Variants in FAM153A observed in about 807,000 individuals in gnomAD.
FAM153A encodes the protein family with sequence similarity 153 member A, also known as protein FAM153A.
Under a neutral mutation model 48.1 loss-of-function variants are expected in FAM153A, and 12 were observed. The ratio of observed to expected loss-of-function variants is 0.25; its 90% CI spans 0.16 to 0.40. The LOEUF (loss-of-function observed/expected upper bound fraction) is 0.40, where lower values mean the gene tolerates loss of function less well. Among genes scored for constraint, FAM153A ranks in the 10% least tolerant of loss-of-function variants. The pLI is 1.00. For synonymous variants in FAM153A, 36 were observed against 118.2 expected, an observed-to-expected ratio of 0.30 and a Z score of 4.51; for missense variants, 111 against 345.8, an observed-to-expected ratio of 0.32 and a Z score of 5.38.
At chr5:177,719,044 A>G (rs1466757199), downstream of FAM153A, among the ~76,000 whole-genome samples, 2 of 151,240 alleles carry the variant, frequency 1.3e-5, no homozygotes, top group African/African-American at 4.9e-5. Context: ...CCTTGCCTGG[A>G]TAATTTTTGT....
chr5:177,732,320 C>T (rs1312795756), intron 14 of FAM153A, among the ~76,000 whole-genome samples: 1 of 117,288 alleles, frequency 8.5e-6, no homozygotes, highest in Middle Eastern at 4.4e-3. Flanking sequence ...CTAGCTATGC[C>T]AACCTCTTCG....
In FAM153A at chr5:177,724,148, C is replaced by T. The variant is rs769357580; in HGVS notation, c.1129G>A (p.Val377Ile). 8.1e-6 allele frequency: 13 copies of T among 1,609,938 alleles called. No individual in the cohort carries two copies. The South Asian group carries it at 9.9e-5, about 12-fold the overall frequency. ...TTAAAAATGTCCCAACATTTCAGGA[C>T]ATTCCACCGGCTTTTCTTGCTGGGC... The change falls in exon 21 of 21, where the codon GTC (valine) becomes ATC (isoleucine). Residue 377 changes from valine (V) to isoleucine (I), a missense_variant. By Grantham distance (29) the Val-to-Ile change is conservative (BLOSUM62 3). Transcript: ENST00000614127.
chr5:177,755,265 CGAG>C (rs1561944616), upstream of FAM153A, among the ~76,000 whole-genome samples: 1 of 150,934 alleles, frequency 6.6e-6, no homozygotes, highest in Non-Finnish European at 1.5e-5. Context: ...TGAAATGAAG[CGAG>C]AAGAGAAGTT....
chr5:177,749,306 C>G lies in FAM153A; in HGVS notation c.176-607G>C, dbSNP rs983819902. On this transcript the variant is annotated intron_variant, in intron 2 of 20. Transcript: ENST00000614127. ...AATGTAAACCAGGCAACCCTCCTCC[C>G]CCAAAATATAACAATATTTGCAGAA... 1.4e-3 allele frequency among the ~76,000 whole-genome samples: 204 copies of G among 149,898 alleles called. 2 individuals carry two copies. Among genetic ancestry groups the G allele is most frequent in the African/African-American group, 4.9e-3 (199 of 40,408 alleles).
the FAM153A span, among the ~76,000 whole-genome samples, chr5:177,697,797 C>G: frequency 0.036 from 5,482 of 151,218 alleles, 236 homozygotes; most frequent in African/African-American, 0.087. Flanking sequence ...GGGGGAAGAT[C>G]AGGGCTGGAC....
At chr5:177,704,281 G>T (rs1171514069), downstream of FAM153A, among the ~76,000 whole-genome samples, 1 of 75,348 alleles carries the variant, frequency 1.3e-5, no homozygotes, top group Admixed American at 1.1e-4. Context: ...TTGAGGTCGG[G>T]CATGGTGGGA....
chr5:177,728,721 C>A lies in FAM153A; in HGVS notation c.964+302G>T, dbSNP rs571289587. On this transcript the variant is annotated intron_variant, in intron 18 of 20. Transcript: ENST00000614127. ...TAGCTGGGATTGCAGGCATGTGACACCACACCCAGGTAATTTTGTATTTTT... is the reference window on the plus strand; with the variant it reads ...TAGCTGGGATTGCAGGCATGTGACAACACACCCAGGTAATTTTGTATTTTT... 7.3e-5 allele frequency among the ~76,000 whole-genome samples: 11 copies of A among 150,862 alleles called. 1 individual carries two copies. The East Asian group carries it at 7.7e-4, about 11-fold the overall frequency.
At chr5:177,718,998 A>G (rs1322452817), downstream of FAM153A, among the ~76,000 whole-genome samples, 4 of 151,384 alleles carry the variant, frequency 2.6e-5, 1 homozygote, top group African/African-American at 9.8e-5. Context: ...CTCCCACCTC[A>G]GCCTCCCGAG....
intron 4 of FAM153A, among the ~76,000 whole-genome samples, chr5:177,746,002 GA>G (rs1765928246): frequency 6.7e-6 from 1 of 149,644 alleles, no homozygotes; most frequent in South Asian, 2.1e-4. Context: ...AGAAGTGCTG[GA>G]ATAACTTGGC....
chr5:177,706,509 T>C (rs1757906434), downstream of FAM153A, among the ~76,000 whole-genome samples: 1 of 152,014 alleles, frequency 6.6e-6, no homozygotes, highest in Admixed American at 6.5e-5. Context: ...AAAAATACAT[T>C]TATTAGAGTA....
At chr5:177,697,548 C>T in the FAM153A span, among the ~76,000 whole-genome samples, 3 of 151,804 alleles carry the variant, frequency 2.0e-5, no homozygotes, top group African/African-American at 7.3e-5. Flanking sequence ...AATGCACAGT[C>T]TGGGATGCTT....
At chr5:177,757,562 G>A (rs1241506009), upstream of FAM153A, among the ~76,000 whole-genome samples, 4 of 150,978 alleles carry the variant, frequency 2.6e-5, no homozygotes, top group Admixed American at 6.6e-5. Flanking sequence ...GATGAACATC[G>A]ATGCAAAAAT....
At chr5:177,735,414 A>C (rs1234724803) in intron 12 of FAM153A, among the ~76,000 whole-genome samples, 3 of 83,282 alleles carry the variant, frequency 3.6e-5, no homozygotes, top group African/African-American at 5.4e-5. Context: ...TACCATTTAA[A>C]GATGACCCCT....
downstream of FAM153A, chr5:177,718,701 A>G (rs1760374190): frequency 1.5e-5 from 2 of 134,656 alleles, no homozygotes; most frequent in Non-Finnish European, 3.4e-5. Flanking sequence ...ATGAGTCAAT[A>G]AAATTAAGAA....
downstream of FAM153A, chr5:177,718,692 T>G (rs1203342966): frequency 6.8e-5 from 9 of 133,190 alleles, no homozygotes; most frequent in African/African-American, 2.4e-4. Flanking sequence ...GAGATATAAA[T>G]GAGTCAATAA....
downstream of FAM153A, chr5:177,723,193 C>T (rs895011127): frequency 2.9e-5 from 4 of 136,338 alleles, no homozygotes; most frequent in Admixed American, 7.5e-5. Flanking sequence ...CCTGGTCTTT[C>T]TAGCATCCCC....
chr5:177,699,491 AGGT>A, the FAM153A span, among the ~76,000 whole-genome samples: 5 of 152,030 alleles, frequency 3.3e-5, no homozygotes, highest in Admixed American at 6.5e-5. Flanking sequence ...AGAGGAGAAA[AGGT>A]CCAAAATTAC....
intron 1 of FAM153A, among the ~76,000 whole-genome samples, chr5:177,758,507 C>T (rs1278427388): frequency 7.3e-6 from 1 of 137,546 alleles, no homozygotes; most frequent in East Asian, 2.1e-4. Context: ...AAAAAGAGCC[C>T]GCATCGCCAA....
chr5:177,696,167 A>G, the FAM153A span, among the ~76,000 whole-genome samples: 4,588 of 61,866 alleles, frequency 0.074, 557 homozygotes, highest in East Asian at 0.24. Context: ...GGGCAGAGGC[A>G]CTCCTCACTT....
Sources: gnomAD v4.1 joint callset for allele counts (sites outside exome capture counted in the v4.1 genomes callset) on GRCh38, gnomAD v4.1.1 for gene constraint, MANE v1.5 for transcripts, NCBI Gene and HGNC (gene_info 2026-07-23, HGNC 2026-07-21) for gene names.